Variants in LRP3 observed in about 807,000 individuals in gnomAD.
LRP3 encodes LDL receptor related protein 3.
In LRP3, 49 loss-of-function variants were observed where a neutral mutation model predicts 58.5. That is an observed-to-expected ratio of 0.84 (90% CI 0.67 to 1.06). LRP3 has a LOEUF of 1.06. LRP3 is among the 50% of genes least tolerant of loss of function. The pLI, the probability that LRP3 is intolerant of heterozygous loss-of-function variation, is 0.00. For synonymous variants in LRP3, 485 were observed against 492.2 expected, an observed-to-expected ratio of 0.99 and a Z score of 0.20; for missense variants, 1,019 against 1,134.2, an observed-to-expected ratio of 0.90 and a Z score of 1.46.
rs34874673 is a variant in LRP3, at chr19:33,199,474, G to GA, written c.121+2714dup. On this transcript the variant is annotated intron_variant, in intron 2 of 6. Coordinates refer to ENST00000253193, the MANE Select transcript of LRP3 (RefSeq NM_002333.4). Reference sequence around the variant, plus strand: ...GGAGACAGAGCAAGATCTTGTCTCAGAAAAAAAAAAAAAAAAAGGAGTCCC... The same window carrying GA: ...GGAGACAGAGCAAGATCTTGTCTCAGAAAAAAAAAAAAAAAAAAGGAGTCCC... Among the ~76,000 whole-genome samples the GA allele has an allele frequency of 3.6e-3, 472 of 129,842 alleles. 4 individuals are homozygous for GA. The highest frequency in any genetic ancestry group is 7.9e-3 in the African/African-American group (266 of 33,814). 85.2% of individuals were successfully genotyped at this position (129,842 alleles called of 152,430 possible).
intron 2 of LRP3, among the ~76,000 whole-genome samples, chr19:33,202,580 C>G (rs370884209): frequency 4.6e-5 from 7 of 152,300 alleles, no homozygotes; most frequent in African/African-American, 7.2e-5. Flanking sequence ...CCAGCTCTGC[C>G]AGAGATGCGG....
intron 4 of LRP3, 29 bp from the exon 5 acceptor site, chr19:33,205,217 C>T (rs1453735943): frequency 6.3e-7 from 1 of 1,594,142 alleles, no homozygotes; most frequent in Non-Finnish European, 8.5e-7. Flanking sequence ...TGTCTCCTGA[C>T]TGTCCCCTGC....
rs756719176 is a variant in LRP3, at chr19:33,207,478, C to T, written c.2216C>T (p.Pro739Leu). ...TCCACTGCCAGCAGCACCCTGGGCCCCCACTCGCCAGAGCCACTGGGGGTC... is the reference window on the plus strand; with the variant it reads ...TCCACTGCCAGCAGCACCCTGGGCCTCCACTCGCCAGAGCCACTGGGGGTC... ...QVSTASSTLG[P>L]HSPEPLGVCR... Residue 739 changes from proline to leucine, a missense_variant, in exon 7 of 7, where the codon CCC becomes CTC. By Grantham distance (98) the Pro-to-Leu change is moderately conservative (BLOSUM62 -3). This residue lies in a region of LRP3 where 427 missense variants were observed against 408.6 expected (regional missense o/e 1.04). Transcript: ENST00000253193. The T allele has an allele frequency of 4.4e-6, 7 of 1,600,644 alleles. No individual in the cohort carries two copies. The highest frequency in any genetic ancestry group is 5.1e-6 in the Non-Finnish European group (6 of 1,177,080).
At chr19:33,206,778 C>T in intron 6 of LRP3, 45 bp downstream of exon 6, 1 of 1,495,840 alleles carries the variant, frequency 6.7e-7, no homozygotes, top group Non-Finnish European at 8.9e-7. Context: ...CCACTTGGGA[C>T]AGTGTGCGGA....
chr19:33,198,495 C>T (rs748263027), intron 2 of LRP3, among the ~76,000 whole-genome samples: 4 of 152,184 alleles, frequency 2.6e-5, no homozygotes, highest in Non-Finnish European at 4.4e-5. Flanking sequence ...CCTCCCACCA[C>T]AGCTCCATGA....
At position 33,202,866 on chromosome 19, in the gene LRP3, T is replaced by TA; in HGVS notation, c.140_141insA (p.Glu48GlyfsTer35). The TA allele has an allele frequency of 6.2e-7, 1 of 1,610,692 alleles. No individual in the cohort carries two copies. Among genetic ancestry groups the TA allele is most frequent in the Non-Finnish European group, 8.5e-7 (1 of 1,178,592 alleles). Reference sequence around the variant, plus strand: ...CCGACAGCGGCCTGCAGTGGGAAGCTGGAGCAGCACACGGAGCGGCGTGGG... The same window carrying TA: ...CCGACAGCGGCCTGCAGTGGGAAGCTAGGAGCAGCACACGGAGCGGCGTGGG... On this transcript the variant is annotated frameshift_variant, in exon 3 of 7. Coordinates refer to ENST00000253193, the MANE Select transcript of LRP3 (RefSeq NM_002333.4). LOFTEE classifies it high-confidence loss of function.
At chr19:33,206,478 G>C in intron 5 of LRP3, 116 bp downstream of exon 5, 2 of 1,593,806 alleles carry the variant, frequency 1.3e-6, no homozygotes, top group Non-Finnish European at 1.7e-6. Context: ...GGCTGCCCTG[G>C]TGCACACTGG....
intron 5 of LRP3, 113 bp from the exon 6 acceptor site, chr19:33,206,488 G>A (rs1319950508): frequency 2.5e-6 from 4 of 1,592,548 alleles, no homozygotes; most frequent in Non-Finnish European, 3.4e-6. Flanking sequence ...GTGCACACTG[G>A]GGTCCCTATA....
At chr19:33,199,217 A>G (rs1974316272) in intron 2 of LRP3, among the ~76,000 whole-genome samples, 1 of 152,122 alleles carries the variant, frequency 6.6e-6, no homozygotes, top group African/African-American at 2.4e-5. Flanking sequence ...GCCTGTCATG[A>G]ACCTCACCTC....
At position 33,207,010 on chromosome 19, in the gene LRP3, G is replaced by A. The variant is rs772405924; in HGVS notation, c.1748G>A (p.Arg583His). 8 of 1,473,214 alleles carry A rather than the reference G, an allele frequency of 5.4e-6. No homozygotes were observed. In the Admixed American group the frequency reaches 7.6e-5, roughly 14 times the overall value. The allele number at this position is 1,473,214 out of a possible 1,614,324, so 91.3% of individuals were successfully genotyped here. ...CAGGCCTCTGTGCTGCAGAATCTTC[G>A]CACAGCCATGCGGAGACAGATGCGT... ...ASQASVLQNL[R>H]TAMRRQMRRH... The change falls in exon 7 of 7, where the codon CGC becomes CAC. Residue 583 changes from arginine (R) to histidine (H), a missense_variant. Coordinates refer to ENST00000253193, the MANE Select transcript of LRP3 (RefSeq NM_002333.4).
rs1974264993 is a variant in LRP3 at position 33,194,663 on chromosome 19, G to GAGCCCGAGACCT, written c.-115_-114insACCTAGCCCGAG. The GAGCCCGAGACCT allele has an allele frequency of 4.9e-6, 1 of 203,016 alleles. No homozygotes were observed. Among genetic ancestry groups the GAGCCCGAGACCT allele is most frequent in the Non-Finnish European group, 8.7e-6 (1 of 115,228 alleles). The allele number at this position is 203,016 out of a possible 1,614,324, so 12.6% of individuals were successfully genotyped here. ...CGGGCCGCAGCAGCCACGCCAGCCG[G>GAGCCCGAGACCT]AGCCCGAGCCCTAGCCCGAGCCCGA... On this transcript the variant is annotated 5_prime_UTR_variant, in exon 1 of 7. Transcript: ENST00000253193.
intron 2 of LRP3, among the ~76,000 whole-genome samples, chr19:33,200,118 A>G (rs1321654930): frequency 6.6e-6 from 1 of 152,208 alleles, no homozygotes; most frequent in Non-Finnish European, 1.5e-5. Flanking sequence ...CATGCGCTTT[A>G]GAGATGCAAT....
At chr19:33,202,807 C>T in intron 2 of LRP3, 41 bp from the exon 3 acceptor site, 10 of 1,564,856 alleles carry the variant, frequency 6.4e-6, no homozygotes, top group South Asian at 1.2e-5. Flanking sequence ...CGCATCCCAA[C>T]CAAAGATGGG....
chr19:33,205,023 G>C (rs1218815320), intron 4 of LRP3, 171 bp downstream of exon 4: 2 of 748,470 alleles, frequency 2.7e-6, no homozygotes, highest in African/African-American at 3.5e-5. Context: ...CGGATGCCTT[G>C]GACCTCTCAA....
intron 1 of LRP3, among the ~76,000 whole-genome samples, chr19:33,195,703 C>T (rs1974278327): frequency 1.3e-5 from 2 of 152,206 alleles, no homozygotes. Flanking sequence ...TCTGGCAGGC[C>T]CTTGCCCCAG....
chr19:33,202,324 TC>T (rs1235087872), intron 2 of LRP3, among the ~76,000 whole-genome samples: 7 of 152,196 alleles, frequency 4.6e-5, no homozygotes, highest in Non-Finnish European at 7.3e-5. Context: ...GCCTATGAGT[TC>T]CATAGAGCAG....
Position 33,206,602 on chromosome 19 carries a change from G to A in LRP3, c.1594G>A (p.Ala532Thr). The change falls in exon 6 of 7, where the codon GCC becomes ACC. Residue 532 changes from alanine (A) to threonine (T), a missense_variant and splice_region_variant. By Grantham distance (58) the Ala-to-Thr change is moderately conservative (BLOSUM62 0). Around this residue, in one of 2 missense-constraint regions of LRP3, gnomAD observed 427 missense variants for 408.6 expected, o/e 1.04. Coordinates refer to ENST00000253193, the MANE Select transcript of LRP3 (RefSeq NM_002333.4). ...LYSLRTQEYR[A>T]FETQMTRLEA... Reference sequence around the variant, plus strand: ...TCGCCCTCCGCCCACTGCTTCTAGGGCCTTCGAGACCCAGATGACGCGCCT... The same window carrying A: ...TCGCCCTCCGCCCACTGCTTCTAGGACCTTCGAGACCCAGATGACGCGCCT... The A allele has an allele frequency of 6.2e-7, 1 of 1,608,406 alleles. No individual in the cohort carries two copies. Among genetic ancestry groups the A allele is most frequent in the Non-Finnish European group, 8.5e-7 (1 of 1,177,062 alleles).
intron 2 of LRP3, among the ~76,000 whole-genome samples, chr19:33,197,350 G>C (rs2145448096): frequency 6.6e-6 from 1 of 152,330 alleles, no homozygotes; most frequent in Non-Finnish European, 1.5e-5. Flanking sequence ...TCGACATCCA[G>C]GTGCTGTGGC....
At chr19:33,201,774 G>C (rs553633829) in intron 2 of LRP3, among the ~76,000 whole-genome samples, 2 of 152,084 alleles carry the variant, frequency 1.3e-5, no homozygotes, top group East Asian at 1.9e-4. Flanking sequence ...TGGGAGGTGT[G>C]GTCAAGTGCA....
Sources: allele counts gnomAD v4.1 joint callset (sites outside exome capture counted in the v4.1 genomes callset), GRCh38; gene constraint gnomAD v4.1.1; regional missense constraint gnomAD v4.1.1; transcripts MANE v1.5; gene names NCBI Gene and HGNC (gene_info 2026-07-23, HGNC 2026-07-21).